The following TGIF2 variants were observed in gnomAD, a reference collection of about 807,000 sequenced individuals.
TGIF2 encodes TGFB induced factor homeobox 2, also known as homeobox protein TGIF2.
TGIF2 carries 5 observed loss-of-function variants against 15.1 expected under a neutral mutation model. The ratio of observed to expected loss-of-function variants is 0.33; its 90% confidence interval spans 0.17 to 0.70. TGIF2 has a LOEUF of 0.70. Ranked by LOEUF, TGIF2 falls within the 30% of genes least tolerant of loss-of-function variation. TGIF2 has a pLI of 0.67. For missense variants in TGIF2, 264 were observed against 302.5 expected (o/e 0.87, Z 0.94); for synonymous variants, 131 against 128.9 (o/e 1.02, Z -0.11).
At chr20:36,579,126 A>G (rs75200387) in intron 2 of TGIF2, among the ~76,000 whole-genome samples, 160 bp downstream of exon 2, 4,785 of 152,216 alleles carry the variant, frequency 0.031, 152 homozygotes, top group South Asian at 0.14. Context: ...TCCCTGTCTC[A>G]AGGGAAGACA....
At chr20:36,582,017 C>T (rs920374576) in intron 2 of TGIF2, among the ~76,000 whole-genome samples, 14 of 152,126 alleles carry the variant, frequency 9.2e-5, no homozygotes, top group African/African-American at 3.1e-4. Context: ...GGGCGGATCA[C>T]CTGAGGTCAG....
chr20:36,588,355 C>CTTTTTTTTTTT (rs397802665), intron 2 of TGIF2, among the ~76,000 whole-genome samples: 2 of 60,384 alleles, frequency 3.3e-5, no homozygotes, highest in Non-Finnish European at 5.8e-5. Flanking sequence ...GCCCTTCCTT[C>CTTTTTTTTTTT]TTTTTTTTTT....
intron 2 of TGIF2, among the ~76,000 whole-genome samples, chr20:36,583,464 G>GA (rs1289215446): frequency 0.023 from 2,081 of 91,044 alleles, 34 homozygotes; most frequent in African/African-American, 0.076. Flanking sequence ...TCTCTAAAAA[G>GA]AAAAAAAAAA....
At chr20:36,587,953 C>T (rs1247584810) in intron 2 of TGIF2, among the ~76,000 whole-genome samples, 1 of 151,932 alleles carries the variant, frequency 6.6e-6, no homozygotes, top group Non-Finnish European at 1.5e-5. Context: ...GTCTGTGGTC[C>T]CAGCTACTCG....
intron 2 of TGIF2, among the ~76,000 whole-genome samples, chr20:36,579,321 G>A (rs6093103): frequency 0.026 from 3,892 of 152,072 alleles, 172 homozygotes; most frequent in African/African-American, 0.088. Flanking sequence ...ACAGGCGCCC[G>A]CCACCACGCC....
intron 1 of TGIF2, 30 bp downstream of exon 1, chr20:36,573,775 T>G (rs2038349886): frequency 6.8e-6 from 1 of 147,856 alleles, no homozygotes; most frequent in Non-Finnish European, 1.5e-5. Context: ...GAGGGCCAGA[T>G]GGGGGTGGGG....
At chr20:36,582,462 T>C (rs1359676847) in intron 2 of TGIF2, among the ~76,000 whole-genome samples, 1 of 152,198 alleles carries the variant, frequency 6.6e-6, no homozygotes, top group Non-Finnish European at 1.5e-5. Flanking sequence ...CTGTGTTAAC[T>C]GAAAATGGTG....
At position 36,593,823 on chromosome 20, in the gene TGIF2, G is replaced by A. The variant is rs1434112557; in HGVS notation, c.*2392G>A. The A allele has an allele frequency of 3.9e-5, 6 of 152,616 alleles. No homozygotes were observed. Among genetic ancestry groups the A allele is most frequent in the African/African-American group, 1.4e-4 (6 of 41,432 alleles). The allele number at this position is 152,616 out of a possible 1,614,324, so 9.5% of individuals were successfully genotyped here. On this transcript the variant is annotated 3_prime_UTR_variant, in exon 3 of 3. Transcript: ENST00000373872. ...GTTGGGTAGGGCAGACTCTGCTTGG[G>A]TTTGGTTGTAAGATAAACCTGGAGG...
At chr20:36,589,930 C>G (rs1452245740) in intron 2 of TGIF2, among the ~76,000 whole-genome samples, 1 of 152,118 alleles carries the variant, frequency 6.6e-6, no homozygotes, top group Non-Finnish European at 1.5e-5. Context: ...CGAAAGCCAT[C>G]CGCCCACCTT....
Position 36,591,059 on chromosome 20 carries a change from G to C in TGIF2, c.342G>C (p.Leu114=). The C allele has an allele frequency of 6.2e-7, 1 of 1,601,820 alleles. No homozygotes were observed. ...ALPRGSSPSV[L]AVSVPAPTNV... The stretch of plus-strand genomic sequence containing the variant: ...CCCGTGGCAGCAGCCCCTCAGTGCT[G>C]GCTGTGTCTGTCCCAGCCCCCACCA... The change falls in exon 3 of 3, where the codon CTG becomes CTC. Residue 114 remains leucine (L), a synonymous_variant. Transcript: ENST00000373872. This position sits in a 1 kb window ranked among gnomAD's most constrained non-coding sequence, Gnocchi z 5.3.
intron 2 of TGIF2, among the ~76,000 whole-genome samples, chr20:36,584,305 C>A (rs2038607751): frequency 6.6e-6 from 1 of 152,196 alleles, no homozygotes; most frequent in Admixed American, 6.6e-5. Flanking sequence ...TGCTTTTAGA[C>A]TGCACCAAAT....
At position 36,592,214 on chromosome 20, in the gene TGIF2, C is replaced by A. The variant is rs925490222; in HGVS notation, c.*783C>A. 1.3e-5 allele frequency: 2 copies of A among 151,678 alleles called. No homozygotes were observed. The highest frequency in any genetic ancestry group is 2.4e-5 in the African/African-American group (1 of 41,208). The allele number at this position is 151,678 out of a possible 1,614,324, so 9.4% of individuals were successfully genotyped here. On this transcript the variant is annotated 3_prime_UTR_variant, in exon 3 of 3. Coordinates refer to ENST00000373872, the MANE Select transcript of TGIF2 (RefSeq NM_021809.7). ...TATGAGCGCATTGGCTTGTCTGCCG[C>A]AGGCACAGAAGGGTAGAAAGCCACA...
chr20:36,583,228 C>T (rs923177026), intron 2 of TGIF2, among the ~76,000 whole-genome samples: 20 of 151,402 alleles, frequency 1.3e-4, no homozygotes, highest in African/African-American at 4.6e-4. Flanking sequence ...GCAGTGAGAT[C>T]GCACCACTGC....
intron 2 of TGIF2, among the ~76,000 whole-genome samples, chr20:36,586,953 G>C (rs1240617815): frequency 1.3e-5 from 2 of 152,168 alleles, no homozygotes; most frequent in African/African-American, 4.8e-5. Context: ...TTCCTCCCTT[G>C]TTCCTCAGCA....
chr20:36,590,234 G>T (rs528955351), intron 2 of TGIF2, among the ~76,000 whole-genome samples: 1 of 152,336 alleles, frequency 6.6e-6, no homozygotes, highest in Admixed American at 6.5e-5. Flanking sequence ...TGGAATTACA[G>T]GTGTGAGCCA....
Position 36,593,533 on chromosome 20 carries a change from C to T in TGIF2, c.*2102C>T. ...CCCCAGGGGGATCAGGGATCCTCAC[C>T]CTCCTGAGGCCCAGTGGGGAAGAAT... On this transcript the variant is annotated 3_prime_UTR_variant, in exon 3 of 3. Transcript: ENST00000373872. 1 of 152,762 alleles carries T rather than the reference C, an allele frequency of 6.5e-6. No individual in the cohort carries two copies. Among genetic ancestry groups the T allele is most frequent in the East Asian group, 1.9e-4 (1 of 5,184 alleles). 9.5% of individuals were successfully genotyped at this position (152,762 alleles called of 1,614,324 possible). A position where few individuals can be genotyped will look rare whatever the true frequency, so the allele number is the denominator to read the frequency against.
At position 36,590,969 on chromosome 20, in the gene TGIF2, T is replaced by C; in HGVS notation, c.252T>C (p.Asp84=). The C allele has an allele frequency of 1.3e-6, 2 of 1,541,696 alleles. No individual in the cohort carries two copies. The highest frequency in any genetic ancestry group is 1.8e-4 in the Middle Eastern group (1 of 5,712). ...TTCTCCCAGACATGCTTCGGAAGGA[T>C]GGCAAAGACCCTAATCAGTTTACCA... ...RRLLPDMLRK[D]GKDPNQFTIS... is the part of the protein sequence containing the mutation. The change falls in exon 3 of 3, where the codon GAT becomes GAC. Residue 84 remains aspartate (D), a synonymous_variant. Coordinates refer to ENST00000373872, the MANE Select transcript of TGIF2 (RefSeq NM_021809.7).
At chr20:36,575,458 A>G (rs991033387) in intron 1 of TGIF2, among the ~76,000 whole-genome samples, 8 of 152,194 alleles carry the variant, frequency 5.3e-5, no homozygotes, top group Non-Finnish European at 4.4e-5. Flanking sequence ...TACTTCTCAC[A>G]GCCGGCCAGG....
Position 36,591,664 on chromosome 20 carries a change from A to G in TGIF2, c.*233A>G, listed in dbSNP as rs2038772079. On this transcript the variant is annotated 3_prime_UTR_variant, in exon 3 of 3. Coordinates refer to ENST00000373872, the MANE Select transcript of TGIF2 (RefSeq NM_021809.7). This position sits in a 1 kb window ranked among gnomAD's most constrained non-coding sequence, Gnocchi z 5.3. ...GCCTCCGCTCAGTGATGAGACCAAG[A>G]GATCGGAGACAAGCATGGTGCTGCT... 7 of 459,286 alleles carry G rather than the reference A, an allele frequency of 1.5e-5. No individual in the cohort carries two copies. In the East Asian group the frequency reaches 2.4e-4, roughly 16 times the overall value. 28.5% of individuals were successfully genotyped at this position (459,286 alleles called of 1,614,324 possible).
Sources: allele counts gnomAD v4.1 joint callset (sites outside exome capture counted in the v4.1 genomes callset), GRCh38; gene constraint gnomAD v4.1.1; non-coding constraint Gnocchi (gnomAD v3.1); transcripts MANE v1.5; gene names NCBI Gene and HGNC (gene_info 2026-07-23, HGNC 2026-07-21).